Variants in UGP2 observed in about 807,000 individuals in gnomAD.
UGP2 encodes UTP--glucose-1-phosphate uridylyltransferase.
Under a neutral mutation model 49.0 loss-of-function variants are expected in UGP2, and 40 were observed. The observed-to-expected ratio is 0.82, with a 90% CI of 0.63 to 1.06. The LOEUF is 1.06. UGP2 is among the 50% of genes least tolerant of loss of function. UGP2 has a pLI of 0.00. For synonymous variants in UGP2, 225 were observed against 213.0 expected (o/e 1.06, Z -0.49); for missense variants, 460 against 603.5 (o/e 0.76, Z 2.49).
chr2:63,884,076 C>A lies in UGP2; in HGVS notation c.558C>A (p.Tyr186Ter). The stretch of plus-strand genomic sequence containing the variant: ...ACAATCATTGTCGTGTGAAAATCTA[C>A]ACTTTCAATCAAAGCAGGTACAATG... ...QKYNHCRVKI[Y>*]TFNQSRYPRI... Residue 186 changes from tyrosine to a stop codon, truncating the protein, a stop_gained, in exon 5 of 10, where the codon TAC (tyrosine) becomes TAA (stop). Transcript: ENST00000337130. LOFTEE classifies it high-confidence loss of function. The A allele has an allele frequency of 6.2e-7, 1 of 1,612,522 alleles. No homozygotes were observed. Among genetic ancestry groups the A allele is most frequent in the Non-Finnish European group, 8.5e-7 (1 of 1,179,708 alleles).
chr2:63,882,578 G>A lies in UGP2; in HGVS notation c.368G>A (p.Cys123Tyr). ...GGTGGTTTGGGAACCAGCATGGGCT[G>A]CAAAGGCCCTAAAAGTCTGATTGGT... ...LNGGLGTSMG[C>Y]KGPKSLIGVR... Residue 123 changes from cysteine to tyrosine, a missense_variant, in exon 4 of 10, where the codon TGC (cysteine) becomes TAC (tyrosine). By Grantham distance (194) the Cys-to-Tyr change is radical. Transcript: ENST00000337130. 1 of 1,612,188 alleles carries A rather than the reference G, an allele frequency of 6.2e-7. No individual in the cohort carries two copies. The highest frequency in any genetic ancestry group is 8.5e-7 in the Non-Finnish European group (1 of 1,178,664).
chr2:63,890,724 C>T (rs530470535), intron 9 of UGP2, among the ~76,000 whole-genome samples: 58 of 152,236 alleles, frequency 3.8e-4, no homozygotes, highest in African/African-American at 1.3e-3. Flanking sequence ...CATGAAAAAT[C>T]TTATCAGTAA....
Position 63,887,598 on chromosome 2 carries a change from A to G in UGP2, c.1268A>G (p.Glu423Gly). 6.2e-7 allele frequency: 1 copy of G among 1,614,166 alleles called. No individual in the cohort carries two copies. Among genetic ancestry groups the G allele is most frequent in the South Asian group, 1.1e-5 (1 of 91,080 alleles). The part of the protein sequence containing the change: ...AGSLTMSEKR[E>G]FPTVPLVKLG... ...TCTCTGACAATGAGTGAAAAGCGGGAATTTCCTACAGTGCCCTTGGTTAAA... is the reference window on the plus strand; with the variant it reads ...TCTCTGACAATGAGTGAAAAGCGGGGATTTCCTACAGTGCCCTTGGTTAAA... The change falls in exon 8 of 10, where the codon GAA becomes GGA. Residue 423 changes from glutamate (E) to glycine (G), a missense_variant. Physicochemically the swap from Glu to Gly is moderately conservative, Grantham distance 98. Around this residue, in one of 2 missense-constraint regions of UGP2, gnomAD observed 317 missense variants for 473.0 expected, o/e 0.67. Coordinates refer to ENST00000337130, the MANE Select transcript of UGP2 (RefSeq NM_006759.4).
upstream of UGP2, chr2:63,841,063 G>C (rs1333303434): frequency 1.3e-5 from 2 of 152,586 alleles, no homozygotes; most frequent in Admixed American, 6.5e-5. Context: ...GGGTGGACAA[G>C]GGGGGGTTAG....
At position 63,886,254 on chromosome 2, in the gene UGP2, A is replaced by G; in HGVS notation, c.874-87A>G. On this transcript the variant is annotated intron_variant, in intron 6 of 9. Transcript: ENST00000337130. ...CTGTTTCTACATAATGTATTTATAT[A>G]TTTTTTGTATAATCACTATCTTTGT... 3 of 1,265,994 alleles carry G rather than the reference A, an allele frequency of 2.4e-6. No homozygotes were observed. The South Asian group carries it at 3.9e-5, about 17-fold the overall frequency. The allele number at this position is 1,265,994 out of a possible 1,614,324, so 78.4% of individuals were successfully genotyped here.
At chr2:63,852,311 C>T (rs1669096061) in intron 1 of UGP2, among the ~76,000 whole-genome samples, 1 of 152,230 alleles carries the variant, frequency 6.6e-6, no homozygotes, top group South Asian at 2.1e-4. Flanking sequence ...CCCAAACCTA[C>T]TGAATCAGAA....
In UGP2 at chr2:63,882,649, G is replaced by C. The variant is rs766002425; in HGVS notation, c.439G>C (p.Glu147Gln). 6.4e-7 allele frequency: 1 copy of C among 1,558,570 alleles called. No individual in the cohort carries two copies. Among genetic ancestry groups the C allele is most frequent in the East Asian group, 2.3e-5 (1 of 43,822 alleles). Residue 147 changes from glutamate (E) to glutamine (Q), a missense_variant and splice_region_variant, in exon 4 of 10, where the codon GAA becomes CAA. Physicochemically the swap from Glu to Gln is conservative, Grantham distance 29 (BLOSUM62 2). Transcript: ENST00000337130. ...TFLDLTVQQIEHLNKTYNTDV... is the reference protein window; with the variant it reads ...TFLDLTVQQIQHLNKTYNTDV... ...TCTGGATCTGACTGTTCAGCAAATT[G>C]AAGTGAGTAACATTTAGCCTTTCTC...
intron 3 of UGP2, among the ~76,000 whole-genome samples, chr2:63,866,773 G>T (rs573236309): frequency 3.9e-5 from 6 of 152,244 alleles, no homozygotes; most frequent in South Asian, 2.1e-4. Context: ...TCAATTGGGG[G>T]ATCATTTTGG....
intron 3 of UGP2, among the ~76,000 whole-genome samples, chr2:63,861,742 C>A (rs1485724392): frequency 4.7e-5 from 7 of 148,432 alleles, no homozygotes; most frequent in African/African-American, 7.5e-5. Flanking sequence ...TTAATAGGAT[C>A]AAAAGAGTGA....
chr2:63,854,238 C>T (rs187928985), intron 1 of UGP2, among the ~76,000 whole-genome samples: 7 of 152,286 alleles, frequency 4.6e-5, no homozygotes, highest in South Asian at 2.1e-4. Flanking sequence ...TGCTCCCTCC[C>T]ATCTATAAAA....
chr2:63,885,779 G>C lies in UGP2; in HGVS notation c.766G>C (p.Gly256Arg). 1.9e-6 allele frequency: 3 copies of C among 1,613,646 alleles called. No homozygotes were observed. The highest frequency in any genetic ancestry group is 2.5e-6 in the Non-Finnish European group (3 of 1,179,830). ...TTTTGTGTCTAACATAGATAATCTG[G>C]GTGCCACAGTGGATCTGTATATTCT... ...YIFVSNIDNL[G>R]ATVDLYILNH... Residue 256 changes from glycine to arginine, a missense_variant, in exon 6 of 10, where the codon GGT becomes CGT. By Grantham distance (125) the Gly-to-Arg change is moderately radical. This residue lies in a region of UGP2 where 317 missense variants were observed against 473.0 expected (regional missense o/e 0.67). Transcript: ENST00000337130.
In UGP2 at chr2:63,852,060, A is replaced by C. The variant is rs542644306; in HGVS notation, c.20-4246A>C. Among the ~76,000 whole-genome samples, 3 of 152,322 alleles carry C rather than the reference A, an allele frequency of 2.0e-5. No homozygotes were observed. In the South Asian group the frequency reaches 6.2e-4, roughly 32 times the overall value. On this transcript the variant is annotated intron_variant, in intron 1 of 9. Coordinates refer to ENST00000337130, the MANE Select transcript of UGP2 (RefSeq NM_006759.4). The stretch of plus-strand genomic sequence containing the variant: ...CCCTTATGGCTTACTGGCCAGAATC[A>C]TATTACATTTTATGCTTAAACCAAT...
Position 63,842,137 on chromosome 2 carries a change from CCTCTAGAAAAAAAAAAA to C in UGP2, c.-48_-32del. On this transcript the variant is annotated 5_prime_UTR_variant, in exon 1 of 10. Transcript: ENST00000337130. Reference sequence around the variant, plus strand: ...GAGAGACCTGCCCTGTAGCGTGACTCCTCTAGAAAAAAAAAAAAAAAGCCGGAGTATTTTACTAAGCC... The same window carrying C: ...GAGAGACCTGCCCTGTAGCGTGACTCAAAAGCCGGAGTATTTTACTAAGCC... The C allele has an allele frequency of 1.3e-6, 2 of 1,565,458 alleles. No individual in the cohort carries two copies. Among genetic ancestry groups the C allele is most frequent in the Non-Finnish European group, 1.7e-6 (2 of 1,163,908 alleles).
chr2:63,855,469 G>A (rs544693386), intron 1 of UGP2: 1 of 444,060 alleles, frequency 2.3e-6, no homozygotes, highest in Non-Finnish European at 4.4e-6. Flanking sequence ...AAAACAGCCT[G>A]TGTTGGTATT....
intron 3 of UGP2, among the ~76,000 whole-genome samples, chr2:63,870,254 G>A (rs1445767959): frequency 1.3e-5 from 2 of 152,092 alleles, no homozygotes; most frequent in East Asian, 1.9e-4. Flanking sequence ...CCAAAGATTT[G>A]GGAGTTAATA....
intron 3 of UGP2, among the ~76,000 whole-genome samples, chr2:63,872,790 C>CAAAA (rs547283279): frequency 8.9e-6 from 1 of 112,578 alleles, no homozygotes; most frequent in African/African-American, 3.4e-5. Context: ...CCAGTGCCCT[C>CAAAA]AAAAAAAAAA....
chr2:63,857,843 C>G lies in UGP2; in HGVS notation c.162C>G (p.Asp54Glu). The change falls in exon 3 of 10, where the codon GAC becomes GAG. Residue 54 changes from aspartate to glutamate, a missense_variant. By Grantham distance (45) the Asp-to-Glu change is conservative (BLOSUM62 2). Transcript: ENST00000337130. ...TATTTTCACAGCACACCAAAAAAGA[C>G]CTGGATGGATTTCGGAAGCTATTTC... ...SSHEFEHTKKDLDGFRKLFHR... is the reference protein window; with the variant it reads ...SSHEFEHTKKELDGFRKLFHR... 1 of 1,613,918 alleles carries G rather than the reference C, an allele frequency of 6.2e-7. No homozygotes were observed. The highest frequency in any genetic ancestry group is 1.1e-5 in the South Asian group (1 of 91,050).
At chr2:63,888,481 C>T (rs1198139646) in intron 8 of UGP2, 1 of 152,196 alleles carries the variant, frequency 6.6e-6, no homozygotes, top group Non-Finnish European at 1.5e-5. Flanking sequence ...GCTGTACATA[C>T]ATTGATTAAT....
chr2:63,880,692 A>G (rs189068642), intron 3 of UGP2, among the ~76,000 whole-genome samples: 47 of 152,196 alleles, frequency 3.1e-4, no homozygotes, highest in African/African-American at 1.1e-3. Flanking sequence ...AGGATTGTCA[A>G]CTCTGCAGGG....
Sources: allele counts gnomAD v4.1 joint callset (sites outside exome capture counted in the v4.1 genomes callset), GRCh38; gene constraint gnomAD v4.1.1; regional missense constraint gnomAD v4.1.1; transcripts MANE v1.5; gene names NCBI Gene and HGNC (gene_info 2026-07-23, HGNC 2026-07-21).